The following RAI1 variants were observed in gnomAD, a reference collection of about 807,000 sequenced individuals.
RAI1 encodes retinoic acid-induced protein 1.
RAI1 carries 9 observed loss-of-function variants against 123.8 expected under a neutral mutation model. The ratio of observed to expected loss-of-function variants is 0.07; its 90% CI spans 0.04 to 0.13. The LOEUF is 0.13. Among genes scored for constraint, RAI1 ranks in the 10% least tolerant of loss-of-function variants. RAI1 has a pLI of 1.00. For synonymous variants in RAI1, 1,231 were observed against 1,127.3 expected (o/e 1.09, Z -1.84); for missense variants, 2,256 against 2,545.8 (o/e 0.89, Z 2.45).
intron 2 of RAI1, among the ~76,000 whole-genome samples, chr17:17,771,054 C>T (rs1401860193): frequency 4.6e-5 from 7 of 152,084 alleles, no homozygotes; most frequent in African/African-American, 1.4e-4. Context: ...TCTTTGGAGA[C>T]CCTGGGATGA....
chr17:17,744,177 C>T (rs1202026784), intron 2 of RAI1, among the ~76,000 whole-genome samples: 1 of 152,182 alleles, frequency 6.6e-6, no homozygotes, highest in East Asian at 1.9e-4. Flanking sequence ...GCCAGTATCA[C>T]CCCTCTTCGT....
intron 2 of RAI1, among the ~76,000 whole-genome samples, chr17:17,780,433 G>A (rs1452894337): frequency 2.6e-5 from 4 of 151,914 alleles, no homozygotes; most frequent in South Asian, 4.2e-4. Flanking sequence ...GGACCTCCTC[G>A]CCCATGTCTT....
Position 17,803,821 on chromosome 17 carries a change from C to T in RAI1, c.5631C>T (p.Thr1877=). The T allele has an allele frequency of 6.2e-7, 1 of 1,613,528 alleles. No individual in the cohort carries two copies. The highest frequency in any genetic ancestry group is 1.7e-5 in the Admixed American group (1 of 60,030). The part of the protein sequence containing the change: ...IGCCHKGCLH[T]YHYPCASDAG... ...GCTGCCACAAAGGATGCCTCCACAC[C>T]TACCACTACCCGTGTGCCAGCGATG... The change falls in exon 4 of 6, where the codon ACC becomes ACT. Residue 1877 remains threonine (T), a synonymous_variant. Transcript: ENST00000353383.
chr17:17,736,279 G>A (rs980266043), intron 2 of RAI1, among the ~76,000 whole-genome samples: 12 of 152,112 alleles, frequency 7.9e-5, no homozygotes, highest in African/African-American at 2.9e-4. Flanking sequence ...CTCCTCTCAT[G>A]GCCCCTGCCC....
chr17:17,810,845 C>A lies in RAI1; in HGVS notation c.*864C>A, dbSNP rs73981074. The A allele has an allele frequency of 5.7e-3, 2,554 of 451,770 alleles. 65 individuals carry two copies. Among genetic ancestry groups the A allele is most frequent in the African/African-American group, 0.046 (2,300 of 50,100 alleles). The allele number at this position is 451,770 out of a possible 1,614,324, so 28.0% of individuals were successfully genotyped here. A position where few individuals can be genotyped will look rare whatever the true frequency, so the allele number is the denominator to read the frequency against. ...ACCGTTGTGCACCACCAGGGACCGC[C>A]GCGCCTACTCTGCACGGGAGCAGGG... On this transcript the variant is annotated 3_prime_UTR_variant, in exon 6 of 6. Coordinates refer to ENST00000353383, the MANE Select transcript of RAI1 (RefSeq NM_030665.4). This position sits in a 1 kb window ranked among gnomAD's most constrained non-coding sequence, Gnocchi z 4.6.
intron 1 of RAI1, among the ~76,000 whole-genome samples, chr17:17,686,079 GCTGAAGCATCGAGGC>G (rs1236785295): frequency 6.6e-6 from 1 of 152,250 alleles, no homozygotes; most frequent in Non-Finnish European, 1.5e-5. Flanking sequence ...TCCCCATGAG[GCTGAAGCATCGAGGC>G]CTGAAAGCAC....
At chr17:17,769,142 T>G (rs899737737) in intron 2 of RAI1, among the ~76,000 whole-genome samples, 1 of 152,218 alleles carries the variant, frequency 6.6e-6, no homozygotes, top group Non-Finnish European at 1.5e-5. Flanking sequence ...AAGAAATGAT[T>G]TCTTGGCTCA....
intron 2 of RAI1, among the ~76,000 whole-genome samples, chr17:17,791,398 C>T (rs1190360237): frequency 1.3e-5 from 2 of 152,162 alleles, no homozygotes; most frequent in Non-Finnish European, 2.9e-5. Flanking sequence ...CCAGCTCTCC[C>T]CCACTCCCCA....
chr17:17,752,606 C>A (rs2030248553), intron 2 of RAI1, among the ~76,000 whole-genome samples: 2 of 152,076 alleles, frequency 1.3e-5, no homozygotes, highest in Admixed American at 6.5e-5. Flanking sequence ...GAGTGAGAGG[C>A]CTGCTAGGCC....
chr17:17,751,898 G>A (rs1037563872), intron 2 of RAI1, among the ~76,000 whole-genome samples: 4 of 152,252 alleles, frequency 2.6e-5, no homozygotes, highest in East Asian at 1.9e-4. Flanking sequence ...CTGCTTATTG[G>A]CTGCCTCCCT....
Position 17,793,779 on chromosome 17 carries a change from CCAG to C in RAI1, c.870_872del (p.Gln291del), listed in dbSNP as rs371983878. Reference sequence around the variant, plus strand: ...ACCAGTCGGGCCGCCTCAGCTATGACCAGCAGCAGCAGCAGCAGCAGCAGCAGC... The same window carrying C: ...ACCAGTCGGGCCGCCTCAGCTATGACCAGCAGCAGCAGCAGCAGCAGCAGC... On this transcript the variant is annotated inframe_deletion, in exon 3 of 6. Coordinates refer to ENST00000353383, the MANE Select transcript of RAI1 (RefSeq NM_030665.4). 100,621 of 1,213,010 alleles carry C rather than the reference CCAG, an allele frequency of 0.083. 1,268 individuals carry two copies. Among genetic ancestry groups the C allele is most frequent in the African/African-American group, 0.27 (13,548 of 50,138 alleles). 75.1% of individuals were successfully genotyped at this position (1,213,010 alleles called of 1,614,324 possible). A position where few individuals can be genotyped will look rare whatever the true frequency, so the allele number is the denominator to read the frequency against.
chr17:17,690,084 T>C (rs1277416122), intron 1 of RAI1, among the ~76,000 whole-genome samples: 5 of 152,148 alleles, frequency 3.3e-5, no homozygotes, highest in African/African-American at 1.2e-4. Flanking sequence ...TGCTTGATTT[T>C]AGAAGGAATT....
intron 1 of RAI1, among the ~76,000 whole-genome samples, chr17:17,719,840 C>G (rs920215533): frequency 6.6e-6 from 1 of 152,190 alleles, no homozygotes; most frequent in African/African-American, 2.4e-5. Flanking sequence ...ATGAGGCTGA[C>G]TGATGGGGCG....
At position 17,740,803 on chromosome 17, in the gene RAI1, C is replaced by A. The variant is rs763509137; in HGVS notation, c.-17+16644C>A. The stretch of plus-strand genomic sequence containing the variant: ...CACCCCGGCAAGCCCCAGGACAGAT[C>A]CCGTTTTGGTTTTCGCCAGAACAAA... On this transcript the variant is annotated intron_variant, in intron 2 of 5. Coordinates refer to ENST00000353383, the MANE Select transcript of RAI1 (RefSeq NM_030665.4). 6.1e-4 allele frequency among the ~76,000 whole-genome samples: 93 copies of A among 152,174 alleles called. 2 individuals carry two copies. The highest frequency in any genetic ancestry group is 1.5e-4 in the Non-Finnish European group (10 of 68,030).
intron 2 of RAI1, among the ~76,000 whole-genome samples, chr17:17,786,448 TAAAG>T (rs2031830363): frequency 6.6e-6 from 1 of 152,138 alleles, no homozygotes; most frequent in Admixed American, 6.5e-5. Context: ...AGACCAATAA[TAAAG>T]CAAGTCAAGT....
rs190447783 is a variant in RAI1 at position 17,769,759 on chromosome 17, C to T, written c.-16-23174C>T. 1.2e-3 allele frequency among the ~76,000 whole-genome samples: 179 copies of T among 152,188 alleles called. 1 individual carries two copies. The highest frequency in any genetic ancestry group is 7.5e-3 in the South Asian group (36 of 4,822). ...GGGGCAGCAAGCAAGGCCTGTGGGG[C>T]GAGGAGGCCTAAGGACACCATGGAT... On this transcript the variant is annotated intron_variant, in intron 2 of 5. Coordinates refer to ENST00000353383, the MANE Select transcript of RAI1 (RefSeq NM_030665.4).
In RAI1 at chr17:17,794,885, A is replaced by G; in HGVS notation, c.1937A>G (p.His646Arg). ...AAGCCACCCTTCTCGCTGGAGAACCACAGCGCCTGCCTGGACTCTGTGGCC... is the reference window on the plus strand; with the variant it reads ...AAGCCACCCTTCTCGCTGGAGAACCGCAGCGCCTGCCTGGACTCTGTGGCC... ...SSKPPFSLEN[H>R]SACLDSVAKS... Residue 646 changes from histidine (H) to arginine (R), a missense_variant, in exon 3 of 6, where the codon CAC becomes CGC. Around this residue, in one of 7 missense-constraint regions of RAI1, gnomAD observed 566 missense variants for 616.0 expected, o/e 0.92. Coordinates refer to ENST00000353383, the MANE Select transcript of RAI1 (RefSeq NM_030665.4). 2 of 1,613,414 alleles carry G rather than the reference A, an allele frequency of 1.2e-6. No individual in the cohort carries two copies. Among genetic ancestry groups the G allele is most frequent in the Admixed American group, 1.7e-5 (1 of 60,028 alleles).
intron 2 of RAI1, among the ~76,000 whole-genome samples, chr17:17,789,927 C>G (rs1598084028): frequency 6.6e-6 from 1 of 152,056 alleles, no homozygotes; most frequent in Non-Finnish European, 1.5e-5. Context: ...TCTCACCACC[C>G]CTTCTCCCTC....
At chr17:17,728,270 T>C (rs905019405) in intron 2 of RAI1, among the ~76,000 whole-genome samples, 1 of 148,992 alleles carries the variant, frequency 6.7e-6, no homozygotes, top group Non-Finnish European at 1.5e-5. Flanking sequence ...TGTGGCTGGG[T>C]GGGCGAAGAG....
Sources: gnomAD v4.1 joint callset for allele counts (sites outside exome capture counted in the v4.1 genomes callset) on GRCh38, gnomAD v4.1.1 for gene constraint, gnomAD v4.1.1 regional missense constraint, Gnocchi (gnomAD v3.1) non-coding constraint, MANE v1.5 for transcripts, NCBI Gene and HGNC (gene_info 2026-07-23, HGNC 2026-07-21) for gene names.